The following C1orf115 variants were observed in gnomAD, a reference collection of about 807,000 sequenced individuals.
C1orf115 encodes the protein chromosome 1 open reading frame 115.
In C1orf115, 14 loss-of-function variants were observed where a neutral mutation model predicts 12.5. That is an observed-to-expected ratio of 1.12 (90% CI 0.74 to 1.75). The LOEUF is 1.75. C1orf115 is among the 40% of genes most tolerant of loss of function. The probability of loss-of-function intolerance (pLI) is 0.00; values close to 1 mark genes in which losing one functional copy is unlikely to be tolerated. For missense variants in C1orf115, 237 were observed against 220.8 expected, an observed-to-expected ratio of 1.07 and a Z score of -0.46; for synonymous variants, 109 against 104.6, an observed-to-expected ratio of 1.04 and a Z score of -0.26.
intron 1 of C1orf115, among the ~76,000 whole-genome samples, chr1:220,693,895 A>G (rs929401938): frequency 1.3e-5 from 2 of 152,058 alleles, no homozygotes; most frequent in African/African-American, 4.8e-5. Flanking sequence ...ACTGACGAAC[A>G]TGGTGAACCC....
intron 1 of C1orf115, among the ~76,000 whole-genome samples, chr1:220,693,066 A>G (rs1670137623): frequency 6.6e-6 from 1 of 152,182 alleles, no homozygotes; most frequent in Non-Finnish European, 1.5e-5. Flanking sequence ...AGGCTCAAAC[A>G]TGGAGATATA....
Position 220,696,843 on chromosome 1 carries a change from A to G in C1orf115, c.*112A>G. 1 of 1,354,570 alleles carries G rather than the reference A, an allele frequency of 7.4e-7. No individual in the cohort carries two copies. Among genetic ancestry groups the G allele is most frequent in the Middle Eastern group, 2.4e-4 (1 of 4,214 alleles). The allele number at this position is 1,354,570 out of a possible 1,614,324, so 83.9% of individuals were successfully genotyped here. Reference sequence around the variant, plus strand: ...ACACACAGCATATTTGGAAGAGAAAACATGCCTTTCTTTGTTGAATCACAT... The same window carrying G: ...ACACACAGCATATTTGGAAGAGAAAGCATGCCTTTCTTTGTTGAATCACAT... On this transcript the variant is annotated 3_prime_UTR_variant, in exon 2 of 2. Coordinates refer to ENST00000294889, the MANE Select transcript of C1orf115 (RefSeq NM_024709.5).
Position 220,698,409 on chromosome 1 carries a change from T to G in C1orf115, c.*1678T>G, listed in dbSNP as rs933936943. The G allele has an allele frequency of 6.6e-6, 1 of 152,238 alleles. No individual in the cohort carries two copies. Among genetic ancestry groups the G allele is most frequent in the African/African-American group, 2.4e-5 (1 of 41,456 alleles). 9.4% of individuals were successfully genotyped at this position (152,238 alleles called of 1,614,324 possible). A position where few individuals can be genotyped will look rare whatever the true frequency, so the allele number is the denominator to read the frequency against. ...TCACTGGGACCCAATTCCTGCATTG[T>G]TAATATTTGTGAGGAAAAGTGAAAC... On this transcript the variant is annotated 3_prime_UTR_variant, in exon 2 of 2. Coordinates refer to ENST00000294889, the MANE Select transcript of C1orf115 (RefSeq NM_024709.5).
Position 220,695,445 on chromosome 1 carries a change from G to C in C1orf115, c.310-1167G>C, listed in dbSNP as rs931784244. 1.8e-4 allele frequency among the ~76,000 whole-genome samples: 27 copies of C among 151,918 alleles called. 1 individual carries two copies. The highest frequency in any genetic ancestry group is 1.8e-3 in the Admixed American group (27 of 15,252). On this transcript the variant is annotated intron_variant, in intron 1 of 1. Coordinates refer to ENST00000294889, the MANE Select transcript of C1orf115 (RefSeq NM_024709.5). ...GAGAAGCCAGGGGCAGCCACAGGCA[G>C]GGCTGTTGAGAGTGGTGGAAGGTGA...
At position 220,696,713 on chromosome 1, in the gene C1orf115, G is replaced by C. The variant is rs374250224; in HGVS notation, c.411G>C (p.Val137=). The C allele has an allele frequency of 6.9e-6, 11 of 1,594,738 alleles. No individual in the cohort carries two copies. Among genetic ancestry groups the C allele is most frequent in the African/African-American group, 2.7e-5 (2 of 74,784 alleles). ...CCCCGTTTGCGGTAGCCACCAGCGT[G>C]GTATCCTTCGTGCGCTAATGGGAGC... The part of the protein sequence containing the change: ...YSAPFAVATS[V]VSFVR The change falls in exon 2 of 2, where the codon GTG becomes GTC. Residue 137 remains valine (V), a synonymous_variant. Transcript: ENST00000294889.
At chr1:220,692,431 T>C (rs1471039793) in intron 1 of C1orf115, among the ~76,000 whole-genome samples, 1 of 152,236 alleles carries the variant, frequency 6.6e-6, no homozygotes, top group African/African-American at 2.4e-5. Flanking sequence ...AAGTGTGTTA[T>C]ATACATACAA....
At chr1:220,695,891 TTGG>T (rs1558344429) in intron 1 of C1orf115, among the ~76,000 whole-genome samples, 1 of 151,954 alleles carries the variant, frequency 6.6e-6, no homozygotes, top group African/African-American at 2.4e-5. Flanking sequence ...CAATAAATGT[TTGG>T]TGGTGGTGGT....
At chr1:220,694,891 A>C (rs1670167964) in intron 1 of C1orf115, among the ~76,000 whole-genome samples, 1 of 152,150 alleles carries the variant, frequency 6.6e-6, no homozygotes, top group Non-Finnish European at 1.5e-5. Context: ...GTATTGAACA[A>C]CACCAACATT....
chr1:220,694,558 G>A (rs2102517408), intron 1 of C1orf115, among the ~76,000 whole-genome samples: 1 of 152,302 alleles, frequency 6.6e-6, no homozygotes, highest in African/African-American at 2.4e-5. Context: ...CTTCAGCTCT[G>A]CCCCTAACCA....
intron 1 of C1orf115, 81 bp from the exon 2 acceptor site, chr1:220,696,531 C>T: frequency 1.4e-6 from 2 of 1,440,076 alleles, no homozygotes; most frequent in Non-Finnish European, 1.9e-6. Context: ...CGCCGTGACT[C>T]ATTTTTTTTC....
chr1:220,690,567 G>A lies in C1orf115; in HGVS notation c.165G>A (p.Ala55=), dbSNP rs1189409533. ...AEAAAESGTS[A]ADERGPGTRG... ...CGGCGGCCGAGAGCGGGACGAGCGCGGCGGACGAGCGGGGCCCGGGGACCC... is the reference window on the plus strand; with the variant it reads ...CGGCGGCCGAGAGCGGGACGAGCGCAGCGGACGAGCGGGGCCCGGGGACCC... Residue 55 remains alanine (A), a synonymous_variant, in exon 1 of 2, where the codon GCG becomes GCA. Transcript: ENST00000294889. The A allele has an allele frequency of 6.7e-7, 1 of 1,484,272 alleles. No homozygotes were observed. Among genetic ancestry groups the A allele is most frequent in the Non-Finnish European group, 8.9e-7 (1 of 1,121,570 alleles). 91.9% of individuals were successfully genotyped at this position (1,484,272 alleles called of 1,614,324 possible).
intron 1 of C1orf115, 104 bp from the exon 2 acceptor site, chr1:220,696,508 T>C: frequency 7.7e-7 from 1 of 1,291,100 alleles, no homozygotes; most frequent in Non-Finnish European, 1.1e-6. Context: ...GGAAAAATGA[T>C]CTTTATATAT....
intron 1 of C1orf115, among the ~76,000 whole-genome samples, chr1:220,694,719 G>C (rs2102517459): frequency 6.6e-6 from 1 of 152,226 alleles, no homozygotes; most frequent in East Asian, 1.9e-4. Flanking sequence ...AGGAATTGTG[G>C]GGTCTTCAAA....
chr1:220,691,905 C>G (rs1038173778), intron 1 of C1orf115, among the ~76,000 whole-genome samples: 4 of 152,146 alleles, frequency 2.6e-5, no homozygotes, highest in Non-Finnish European at 4.4e-5. Flanking sequence ...CAGGGAGACA[C>G]TGACATAGCT....
At chr1:220,695,454 A>G (rs1241303416) in intron 1 of C1orf115, among the ~76,000 whole-genome samples, 1 of 145,532 alleles carries the variant, frequency 6.9e-6, no homozygotes, top group Admixed American at 6.9e-5. Flanking sequence ...AGGGCTGTTG[A>G]GAGTGGTGGA....
chr1:220,695,215 AGGGCAGAGACTG>A (rs2102517654), intron 1 of C1orf115, among the ~76,000 whole-genome samples: 1 of 152,198 alleles, frequency 6.6e-6, no homozygotes, highest in Non-Finnish European at 1.5e-5. Context: ...GGCACGATGG[AGGGCAGAGACTG>A]GGGCAGGATA....
At chr1:220,696,460 G>C in intron 1 of C1orf115, 152 bp from the exon 2 acceptor site, 3 of 888,340 alleles carry the variant, frequency 3.4e-6, no homozygotes, top group Non-Finnish European at 4.9e-6. Context: ...CAGAGATGTG[G>C]GAATGTGGTA....
Position 220,693,058 on chromosome 1 carries a change from G to T in C1orf115, c.309+2347G>T, listed in dbSNP as rs1035561606. ...TGGAGCCACCTGAGAGGGTCACCAGGCTCAAACATGGAGATATAAAGCAGG... is the reference window on the plus strand; with the variant it reads ...TGGAGCCACCTGAGAGGGTCACCAGTCTCAAACATGGAGATATAAAGCAGG... On this transcript the variant is annotated intron_variant, in intron 1 of 1. Transcript: ENST00000294889. Among the ~76,000 whole-genome samples the T allele has an allele frequency of 2.0e-5, 3 of 152,066 alleles. No homozygotes were observed. In the South Asian group the frequency reaches 6.2e-4, roughly 32 times the overall value.
At chr1:220,692,409 G>A (rs1016539277) in intron 1 of C1orf115, among the ~76,000 whole-genome samples, 4 of 152,182 alleles carry the variant, frequency 2.6e-5, no homozygotes, top group African/African-American at 9.7e-5. Flanking sequence ...CTAAATGGAT[G>A]AATGCATAAA....
Sources: allele counts gnomAD v4.1 joint callset (sites outside exome capture counted in the v4.1 genomes callset), GRCh38; gene constraint gnomAD v4.1.1; transcripts MANE v1.5; gene names NCBI Gene and HGNC (gene_info 2026-07-23, HGNC 2026-07-21).